The following HEXB variants were observed in gnomAD, a reference collection of about 807,000 sequenced individuals.
HEXB encodes the protein beta-hexosaminidase subunit beta.
Under a neutral mutation model 71.2 loss-of-function variants are expected in HEXB, and 51 were observed. The observed-to-expected ratio is 0.72, with a 90% CI of 0.57 to 0.90. The LOEUF (loss-of-function observed/expected upper bound fraction) is 0.90, where lower values mean the gene tolerates loss of function less well. Among genes scored for constraint, HEXB ranks in the 40% least tolerant of loss-of-function variants. HEXB has a pLI of 0.00. For synonymous variants in HEXB, 266 were observed against 249.3 expected (o/e 1.07, Z -0.63); for missense variants, 617 against 677.0 (o/e 0.91, Z 0.98).
upstream of HEXB, among the ~76,000 whole-genome samples, chr5:74,684,588 G>C (rs984311428): frequency 6.6e-6 from 1 of 152,198 alleles, no homozygotes; most frequent in South Asian, 2.1e-4. Context: ...ATCCACAGGA[G>C]AGCGCCCGTG....
intron 1 of HEXB, among the ~76,000 whole-genome samples, chr5:74,670,986 G>A (rs1418081620): frequency 6.6e-6 from 1 of 152,170 alleles, no homozygotes; most frequent in Non-Finnish European, 1.5e-5. Flanking sequence ...GAGCATCTCT[G>A]CAGCAATCCC....
rs887620797 is a variant in HEXB at position 74,720,841 on chromosome 5, T to C, written c.1613+94T>C. The C allele has an allele frequency of 4.1e-5, 42 of 1,012,444 alleles. 1 individual carries two copies. The Middle Eastern group carries it at 6.1e-4, about 15-fold the overall frequency. The allele number at this position is 1,012,444 out of a possible 1,614,324, so 62.7% of individuals were successfully genotyped here. On this transcript the variant is annotated intron_variant, in intron 13 of 13. Transcript: ENST00000261416. The stretch of plus-strand genomic sequence containing the variant: ...ATAGAAATGTATGTTACCTAACAAA[T>C]AGTAATTAGAAGAAACCAGGAATTA...
At chr5:74,704,071 CTA>C (rs1204150563) in intron 5 of HEXB, among the ~76,000 whole-genome samples, 1 of 152,194 alleles carries the variant, frequency 6.6e-6, no homozygotes, top group Non-Finnish European at 1.5e-5. Context: ...GTAACAAACT[CTA>C]TGGCTTGCAA....
At chr5:74,673,632 T>C (rs1748580009) in intron 1 of HEXB, among the ~76,000 whole-genome samples, 1 of 152,176 alleles carries the variant, frequency 6.6e-6, no homozygotes, top group South Asian at 2.1e-4. Context: ...TCCATGTTCT[T>C]TAGTTTCTGC....
chr5:74,716,553 C>G (rs766489679), intron 8 of HEXB, 34 bp from the exon 9 acceptor site: 1 of 1,347,544 alleles, frequency 7.4e-7, no homozygotes, highest in Admixed American at 1.7e-5. Context: ...GCATATCAAA[C>G]TTCTAATGAA....
chr5:74,646,426 C>T (rs930199554), intron 1 of HEXB, among the ~76,000 whole-genome samples: 2 of 152,156 alleles, frequency 1.3e-5, no homozygotes, highest in Non-Finnish European at 2.9e-5. Context: ...TCTTCTTGCA[C>T]ACCCAAAAAG....
chr5:74,686,063 A>T (rs1246516950), intron 1 of HEXB, among the ~76,000 whole-genome samples: 2 of 152,104 alleles, frequency 1.3e-5, no homozygotes, highest in Admixed American at 6.6e-5. Context: ...GCACTGCCTA[A>T]AACTGCCCTC....
Position 74,697,081 on chromosome 5 carries a change from C to T in HEXB, c.644C>T (p.Pro215Leu). 2.0e-6 allele frequency: 3 copies of T among 1,523,216 alleles called. No homozygotes were observed. In the South Asian group the frequency reaches 3.4e-5, roughly 17 times the overall value. 94.4% of individuals were successfully genotyped at this position (1,523,216 alleles called of 1,614,324 possible). ...ILIDTSRHYLPVKIILKTLDA... is the reference protein window; with the variant it reads ...ILIDTSRHYLLVKIILKTLDA... The stretch of plus-strand genomic sequence containing the variant: ...ATTGATACATCCAGACATTATCTGC[C>T]AGTTAAGATTATTCTTAAAACTCTG... Residue 215 changes from proline to leucine, a missense_variant, in exon 5 of 14, where the codon CCA (proline) becomes CTA (leucine). By Grantham distance (98) the Pro-to-Leu change is moderately conservative. Transcript: ENST00000261416.
In HEXB at chr5:74,718,911, T is replaced by C; in HGVS notation, c.1357T>C (p.Leu453=). The C allele has an allele frequency of 6.2e-7, 1 of 1,614,126 alleles. No homozygotes were observed. The highest frequency in any genetic ancestry group is 1.1e-5 in the South Asian group (1 of 91,086). The part of the protein sequence containing the change: ...VILSAPWYLD[L]ISYGQDWRKY... Reference sequence around the variant, plus strand: ...CCTTTCTGCTCCTTGGTACTTAGATTTGATTAGCTATGGACAAGATTGGAG... The same window carrying C: ...CCTTTCTGCTCCTTGGTACTTAGATCTGATTAGCTATGGACAAGATTGGAG... The change falls in exon 11 of 14, where the codon TTG becomes CTG. Residue 453 remains leucine, a synonymous_variant. Transcript: ENST00000261416.
chr5:74,715,804 GTC>G, intron 8 of HEXB, 114 bp downstream of exon 8: 6 of 755,162 alleles, frequency 7.9e-6, no homozygotes, highest in Non-Finnish European at 1.2e-5. Context: ...ATCACCTGAG[GTC>G]AGGAGTTCAA....
chr5:74,663,507 T>C (rs1748371261), intron 1 of HEXB, among the ~76,000 whole-genome samples: 1 of 152,172 alleles, frequency 6.6e-6, no homozygotes, highest in Non-Finnish European at 1.5e-5. Flanking sequence ...GACCTCTTTC[T>C]AATCACGTGC....
chr5:74,655,241 C>T (rs552667289), intron 1 of HEXB, among the ~76,000 whole-genome samples: 1 of 151,460 alleles, frequency 6.6e-6, no homozygotes, highest in Admixed American at 6.6e-5. Context: ...GCGATAAGAA[C>T]ATCAAGCTTT....
At chr5:74,689,243 G>T in intron 1 of HEXB, 85 bp from the exon 2 acceptor site, 1 of 1,014,468 alleles carries the variant, frequency 9.9e-7, no homozygotes, top group South Asian at 1.3e-5. Context: ...GATTTGAGGA[G>T]TTAACTACAA....
At position 74,667,205 on chromosome 5, in the gene HEXB, G is replaced by A. The variant is rs143084561; in HGVS notation, c.-376-22123G>A. 4.3e-3 allele frequency among the ~76,000 whole-genome samples: 646 copies of A among 151,970 alleles called. 2 individuals are homozygous for A. Among genetic ancestry groups the A allele is most frequent in the African/African-American group, 0.015 (624 of 41,410 alleles). Reference sequence around the variant, plus strand: ...CGAGGCAGGCAGATCACCTGAGGTCGGGAGTTCGAGACCAGCCTGACCAAA... The same window carrying A: ...CGAGGCAGGCAGATCACCTGAGGTCAGGAGTTCGAGACCAGCCTGACCAAA... On this transcript the variant is annotated intron_variant, in intron 1 of 13. Transcript: ENST00000511181.
intron 10 of HEXB, 97 bp from the exon 11 acceptor site, chr5:74,718,700 T>G: frequency 1.6e-6 from 2 of 1,244,172 alleles, no homozygotes; most frequent in Non-Finnish European, 2.3e-6. Context: ...TTTAAGGATC[T>G]TAGAAAATTA....
intron 5 of HEXB, among the ~76,000 whole-genome samples, chr5:74,702,047 AACTG>A (rs200553054): frequency 0.021 from 3,138 of 146,702 alleles, 48 homozygotes; most frequent in Non-Finnish European, 0.033. Context: ...ATTAATCTGC[AACTG>A]ACTATCTTTC....
intron 1 of HEXB, 98 bp downstream of exon 1, chr5:74,685,657 C>G (rs1158505573): frequency 9.0e-7 from 1 of 1,113,698 alleles, no homozygotes; most frequent in African/African-American, 1.6e-5. Flanking sequence ...ACTGCGCAGA[C>G]GAGAAACCGC....
chr5:74,650,025 AG>A (rs1386344944), intron 1 of HEXB, among the ~76,000 whole-genome samples: 6 of 152,216 alleles, frequency 3.9e-5, no homozygotes, highest in African/African-American at 1.4e-4. Flanking sequence ...AAGGATCTGG[AG>A]CAAAAATGCA....
chr5:74,708,237 T>C (rs1167138776), intron 6 of HEXB, among the ~76,000 whole-genome samples: 6 of 151,584 alleles, frequency 4.0e-5, no homozygotes, highest in African/African-American at 1.5e-4. Flanking sequence ...GACAAGCAAA[T>C]GCTGAGAGAT....
Sources: gnomAD v4.1 joint callset for allele counts (sites outside exome capture counted in the v4.1 genomes callset) on GRCh38, gnomAD v4.1.1 for gene constraint, MANE v1.5 for transcripts, NCBI Gene and HGNC (gene_info 2026-07-23, HGNC 2026-07-21) for gene names.